The following SORL1 variants were observed in gnomAD, a reference collection of about 807,000 sequenced individuals.
SORL1 encodes the protein sortilin-related receptor.
In SORL1, 127 loss-of-function variants were observed where a neutral mutation model predicts 273.7. The observed-to-expected ratio is 0.46, with a 90% CI of 0.40 to 0.54. The LOEUF (loss-of-function observed/expected upper bound fraction) is 0.54, where lower values mean the gene tolerates loss of function less well. Ranked by LOEUF, SORL1 falls within the 20% of genes least tolerant of loss-of-function variation. The pLI is 0.00. For synonymous variants in SORL1, 1,031 were observed against 1,067.4 expected, an observed-to-expected ratio of 0.97 and a Z score of 0.66; for missense variants, 2,494 against 2,846.1, an observed-to-expected ratio of 0.88 and a Z score of 2.81.
intron 47 of SORL1, chr11:121,628,823 C>T (rs1393712550): frequency 6.6e-6 from 1 of 152,210 alleles, no homozygotes; most frequent in African/African-American, 2.4e-5. Flanking sequence ...GTATATTCCC[C>T]TTCACTGATC....
At chr11:121,473,831 G>A (rs1044174624) in intron 2 of SORL1, among the ~76,000 whole-genome samples, 2 of 152,096 alleles carry the variant, frequency 1.3e-5, no homozygotes, top group Admixed American at 6.5e-5. Context: ...GGAGGCGGAG[G>A]TTGCAGTGAG....
At chr11:121,494,976 A>AAT (rs1861606656) in intron 5 of SORL1, among the ~76,000 whole-genome samples, 1 of 152,224 alleles carries the variant, frequency 6.6e-6, no homozygotes, top group African/African-American at 2.4e-5. Context: ...GATAATGAAG[A>AAT]ATAGTGTTCT....
chr11:121,467,337 G>C (rs1007239754), intron 1 of SORL1, among the ~76,000 whole-genome samples: 10 of 152,274 alleles, frequency 6.6e-5, no homozygotes, highest in African/African-American at 1.9e-4. Flanking sequence ...TTGGTGAGGA[G>C]GTCTCCTGTC....
chr11:121,503,235 C>G (rs907442492), intron 6 of SORL1, among the ~76,000 whole-genome samples: 10 of 151,908 alleles, frequency 6.6e-5, no homozygotes, highest in African/African-American at 2.4e-4. Context: ...GTTGTTATAT[C>G]CAAGAAACTA....
At chr11:121,576,883 C>T in intron 24 of SORL1, 1 of 1,535,652 alleles carries the variant, frequency 6.5e-7, no homozygotes, top group Middle Eastern at 1.7e-4. Flanking sequence ...TCTCAAACCA[C>T]AGGCTGTGTC....
intron 24 of SORL1, chr11:121,576,668 C>A: frequency 9.2e-7 from 1 of 1,088,602 alleles, no homozygotes; most frequent in Non-Finnish European, 1.3e-6. Flanking sequence ...CAGCCTCCTT[C>A]CCCTTCTTGG....
At chr11:121,535,462 C>T (rs956002918) in intron 12 of SORL1, among the ~76,000 whole-genome samples, 5 of 152,112 alleles carry the variant, frequency 3.3e-5, no homozygotes, top group African/African-American at 7.2e-5. Flanking sequence ...GGGCACTGAT[C>T]GGGAGCTGCC....
intron 6 of SORL1, among the ~76,000 whole-genome samples, chr11:121,507,950 GT>G (rs1861812829): frequency 6.6e-6 from 1 of 152,072 alleles, no homozygotes; most frequent in African/African-American, 2.4e-5. Flanking sequence ...TGTTGTTGCT[GT>G]TTTTGTTGTT....
chr11:121,510,265 A>G (rs1861856425), intron 6 of SORL1, among the ~76,000 whole-genome samples: 1 of 152,218 alleles, frequency 6.6e-6, no homozygotes, highest in Non-Finnish European at 1.5e-5. Context: ...TGCCTCTGTC[A>G]GTTTAGAACT....
chr11:121,470,334 G>A (rs914148576), intron 2 of SORL1, among the ~76,000 whole-genome samples: 5 of 152,234 alleles, frequency 3.3e-5, no homozygotes, highest in Non-Finnish European at 7.3e-5. Flanking sequence ...TCCATGCAAT[G>A]TGTGATTACC....
In SORL1 at chr11:121,621,246, G is replaced by C; in HGVS notation, c.6064+8G>C. ...GCATAAAAATTACCACAGGTAAGCA[G>C]GAGAGAGGTTAGAGGTCTTCTCACA... On this transcript the variant is annotated splice_region_variant and intron_variant, in intron 44 of 47. Coordinates refer to ENST00000260197, the MANE Select transcript of SORL1 (RefSeq NM_003105.6). The C allele has an allele frequency of 1.2e-6, 2 of 1,613,134 alleles. No homozygotes were observed. Among genetic ancestry groups the C allele is most frequent in the Non-Finnish European group, 8.5e-7 (1 of 1,179,370 alleles).
chr11:121,497,454 A>G (rs923892), intron 6 of SORL1, among the ~76,000 whole-genome samples: 87,588 of 151,966 alleles, frequency 0.58, 25,439 homozygotes, highest in Middle Eastern at 0.67. Context: ...TTTCTTTGAG[A>G]TTTTTCAACA....
intron 2 of SORL1, among the ~76,000 whole-genome samples, chr11:121,475,546 A>G (rs922991126): frequency 6.6e-6 from 1 of 152,198 alleles, no homozygotes; most frequent in Admixed American, 6.5e-5. Flanking sequence ...GAATCTCAGG[A>G]AGGCTTTCTA....
chr11:121,453,368 G>A (rs1436750987), intron 1 of SORL1, among the ~76,000 whole-genome samples: 2 of 152,144 alleles, frequency 1.3e-5, no homozygotes, highest in East Asian at 1.9e-4. Flanking sequence ...CATAAGTAAC[G>A]TGAATTTCAC....
chr11:121,596,360 A>G lies in SORL1; in HGVS notation c.4519+588A>G, dbSNP rs767744577. On this transcript the variant is annotated intron_variant, in intron 32 of 47. Coordinates refer to ENST00000260197, the MANE Select transcript of SORL1 (RefSeq NM_003105.6). This position sits in a 1 kb window ranked among gnomAD's most constrained non-coding sequence, Gnocchi z 4.3. The stretch of plus-strand genomic sequence containing the variant: ...GTCCTGGTGTTTGGTCCTCTGATGA[A>G]CCCAGGGAGGATCTTTGCAGTGAGT... 2.0e-5 allele frequency among the ~76,000 whole-genome samples: 3 copies of G among 152,142 alleles called. No homozygotes were observed. Among genetic ancestry groups the G allele is most frequent in the Non-Finnish European group, 2.9e-5 (2 of 68,018 alleles).
chr11:121,470,375 G>A (rs1411875540), intron 2 of SORL1, among the ~76,000 whole-genome samples: 2 of 152,242 alleles, frequency 1.3e-5, no homozygotes, highest in African/African-American at 4.8e-5. Context: ...GGACTGGATT[G>A]TTGCATCTGC....
At chr11:121,599,456 A>T (rs549464493) in intron 32 of SORL1, among the ~76,000 whole-genome samples, 4 of 152,304 alleles carry the variant, frequency 2.6e-5, no homozygotes, top group Non-Finnish European at 5.9e-5. Context: ...AGGCAGGAGA[A>T]TTGCTTGAAC....
At chr11:121,587,329 A>G (rs1863130950) in intron 27 of SORL1, among the ~76,000 whole-genome samples, 2 of 152,206 alleles carry the variant, frequency 1.3e-5, no homozygotes, top group South Asian at 4.1e-4. Flanking sequence ...CACTGAGGCT[A>G]TATAGTTCAA....
In SORL1 at chr11:121,595,875, G is replaced by C; in HGVS notation, c.4519+103G>C. On this transcript the variant is annotated intron_variant, in intron 32 of 47. Coordinates refer to ENST00000260197, the MANE Select transcript of SORL1 (RefSeq NM_003105.6). This position sits in a 1 kb window ranked among gnomAD's most constrained non-coding sequence, Gnocchi z 5.1. ...TGGATCAGCACACGCCTGTGTGTGA[G>C]TCTGTGTACTTGCGTAACCATGCTC... is the stretch of plus-strand genomic sequence containing the variant. The C allele has an allele frequency of 7.8e-7, 1 of 1,287,542 alleles. No homozygotes were observed. Among genetic ancestry groups the C allele is most frequent in the Non-Finnish European group, 1.1e-6 (1 of 935,016 alleles). 79.8% of individuals were successfully genotyped at this position (1,287,542 alleles called of 1,614,324 possible). A position where few individuals can be genotyped will look rare whatever the true frequency, so the allele number is the denominator to read the frequency against.
Sources: gnomAD v4.1 joint callset for allele counts (sites outside exome capture counted in the v4.1 genomes callset) on GRCh38, gnomAD v4.1.1 for gene constraint, Gnocchi (gnomAD v3.1) non-coding constraint, MANE v1.5 for transcripts, NCBI Gene and HGNC (gene_info 2026-07-23, HGNC 2026-07-21) for gene names.